Variants in PCDH9 observed in about 807,000 individuals in gnomAD.
PCDH9 encodes the protein protocadherin-9.
Under a neutral mutation model 70.6 loss-of-function variants are expected in PCDH9, and 24 were observed. That is an observed-to-expected ratio of 0.34 (90% CI 0.25 to 0.48). The LOEUF (loss-of-function observed/expected upper bound fraction) is 0.48, where lower values mean the gene tolerates loss of function less well. Ranked by LOEUF, PCDH9 falls within the 20% of genes least tolerant of loss-of-function variation. The pLI, the probability that PCDH9 is intolerant of heterozygous loss-of-function variation, is 0.99. For synonymous variants in PCDH9, 562 were observed against 558.5 expected (o/e 1.01, Z -0.09); for missense variants, 1,281 against 1,503.6 (o/e 0.85, Z 2.45).
intron 4 of PCDH9, among the ~76,000 whole-genome samples, chr13:66,625,325 C>T (rs1381817410): frequency 6.6e-6 from 1 of 152,084 alleles, no homozygotes; most frequent in Admixed American, 6.5e-5. Context: ...TTTTAGGGTA[C>T]AACATCATTC....
chr13:66,945,499 G>A (rs919777416), intron 2 of PCDH9, among the ~76,000 whole-genome samples: 4 of 151,960 alleles, frequency 2.6e-5, no homozygotes, highest in African/African-American at 7.3e-5. Context: ...CTAAAATACT[G>A]TTACTTACTT....
intron 4 of PCDH9, among the ~76,000 whole-genome samples, chr13:66,403,147 AT>A (rs202133371): frequency 2.0e-5 from 3 of 150,174 alleles, no homozygotes; most frequent in Admixed American, 6.6e-5. Flanking sequence ...CAATTTATTC[AT>A]TTTTTTTTCA....
intron 2 of PCDH9, among the ~76,000 whole-genome samples, chr13:67,129,659 C>T (rs1257877278): frequency 2.0e-5 from 3 of 151,660 alleles, no homozygotes; most frequent in South Asian, 2.1e-4. Flanking sequence ...TAGAGGTAAT[C>T]GTATATTCCA....
At chr13:67,212,397 C>T (rs1294637224) in intron 2 of PCDH9, 1 of 151,730 alleles carries the variant, frequency 6.6e-6, no homozygotes, top group East Asian at 1.9e-4. Context: ...AAGTACTGTG[C>T]TTAAAATTTA....
chr13:66,616,860 G>T (rs1417811503), intron 4 of PCDH9, among the ~76,000 whole-genome samples: 1 of 152,078 alleles, frequency 6.6e-6, no homozygotes, highest in African/African-American at 2.4e-5. Context: ...CTTATGATAA[G>T]GAGTCCGTAC....
chr13:66,381,932 C>T (rs1191800438), intron 4 of PCDH9, among the ~76,000 whole-genome samples: 3 of 151,508 alleles, frequency 2.0e-5, no homozygotes, highest in African/African-American at 7.3e-5. Flanking sequence ...GCCATCTATA[C>T]CAAGGGCAAG....
intron 3 of PCDH9, among the ~76,000 whole-genome samples, chr13:66,775,884 C>G (rs2079884058): frequency 6.6e-6 from 1 of 152,028 alleles, no homozygotes; most frequent in South Asian, 2.1e-4. Flanking sequence ...TAGATGAAGA[C>G]TGACAAATGG....
chr13:67,020,609 G>A (rs932801190), intron 2 of PCDH9, among the ~76,000 whole-genome samples: 2 of 152,116 alleles, frequency 1.3e-5, no homozygotes, highest in African/African-American at 4.8e-5. Context: ...AGTCAAAACA[G>A]TAAAACATAT....
chr13:66,350,102 A>C (rs2138167666), intron 4 of PCDH9, among the ~76,000 whole-genome samples: 1 of 152,220 alleles, frequency 6.6e-6, no homozygotes, highest in Non-Finnish European at 1.5e-5. Flanking sequence ...CACTTGATCT[A>C]CAGCTTCCAG....
At chr13:66,471,964 A>C (rs921934821) in intron 4 of PCDH9, among the ~76,000 whole-genome samples, 1 of 152,128 alleles carries the variant, frequency 6.6e-6, no homozygotes. Context: ...TAAACCTAGC[A>C]CTTTGGGAGG....
intron 2 of PCDH9, among the ~76,000 whole-genome samples, chr13:67,073,043 T>C (rs2085800326): frequency 6.6e-6 from 1 of 152,202 alleles, no homozygotes; most frequent in Non-Finnish European, 1.5e-5. Flanking sequence ...CATTTAAACA[T>C]GTTCAATTGA....
At chr13:67,221,278 T>C (rs2089718921) in intron 2 of PCDH9, 1 of 152,090 alleles carries the variant, frequency 6.6e-6, no homozygotes, top group South Asian at 2.1e-4. Flanking sequence ...ATTCTGTGAC[T>C]GCCTTCCGCA....
At chr13:66,585,470 C>T (rs902644651) in intron 4 of PCDH9, among the ~76,000 whole-genome samples, 7 of 152,098 alleles carry the variant, frequency 4.6e-5, no homozygotes, top group East Asian at 1.9e-4. Flanking sequence ...AAGTGAGATT[C>T]ATCAAGTCTC....
rs1444509614 is a variant in PCDH9 at position 66,734,995 on chromosome 13, T to C, written c.3139-103584A>G. Reference sequence around the variant, plus strand: ...GACATATCTTACGACTAGAACAGTATGTACATGTTGATTAACATGATTTGT... The same window carrying C: ...GACATATCTTACGACTAGAACAGTACGTACATGTTGATTAACATGATTTGT... On this transcript the variant is annotated intron_variant, in intron 3 of 4. Transcript: ENST00000377865. Among the ~76,000 whole-genome samples the C allele has an allele frequency of 3.3e-5, 5 of 152,306 alleles. No individual in the cohort carries two copies. The East Asian group carries it at 9.6e-4, about 29-fold the overall frequency.
intron 2 of PCDH9, among the ~76,000 whole-genome samples, chr13:67,138,546 T>C (rs2087292243): frequency 6.6e-6 from 1 of 152,158 alleles, no homozygotes; most frequent in Non-Finnish European, 1.5e-5. Flanking sequence ...GTGAACGACT[T>C]TGTGACTTTA....
chr13:66,883,223 T>C (rs2081950607), intron 3 of PCDH9, among the ~76,000 whole-genome samples: 1 of 152,200 alleles, frequency 6.6e-6, no homozygotes, highest in South Asian at 2.1e-4. Flanking sequence ...CAATTATTTC[T>C]AGAGGTGAAA....
chr13:66,461,746 T>G (rs906861650), intron 4 of PCDH9, among the ~76,000 whole-genome samples: 2 of 151,894 alleles, frequency 1.3e-5, no homozygotes, highest in African/African-American at 2.4e-5. Flanking sequence ...AAATAGCTAC[T>G]TTAGACACAA....
At chr13:66,408,853 T>C (rs1957325629) in intron 4 of PCDH9, among the ~76,000 whole-genome samples, 1 of 152,216 alleles carries the variant, frequency 6.6e-6, no homozygotes, top group Non-Finnish European at 1.5e-5. Context: ...TTTCACTTGA[T>C]AAATTTTAGC....
chr13:66,505,854 C>T (rs1056233689), intron 4 of PCDH9, among the ~76,000 whole-genome samples: 7 of 152,022 alleles, frequency 4.6e-5, no homozygotes, highest in Non-Finnish European at 8.8e-5. Flanking sequence ...GCTATGCTGC[C>T]GAGGCTGGAC....
Sources: allele counts gnomAD v4.1 joint callset (sites outside exome capture counted in the v4.1 genomes callset), GRCh38; gene constraint gnomAD v4.1.1; transcripts MANE v1.5; gene names NCBI Gene and HGNC (gene_info 2026-07-23, HGNC 2026-07-21).